PECAM1: variants seen among roughly 807,000 people sequenced by gnomAD.
The protein encoded by PECAM1 is platelet endothelial cell adhesion molecule.
PECAM1 carries 8 observed loss-of-function variants against 13.8 expected under a neutral mutation model. That is an observed-to-expected ratio of 0.58 (90% CI 0.34 to 1.05). The LOEUF is 1.05. Among genes scored for constraint, PECAM1 ranks in the 50% least tolerant of loss-of-function variants. The pLI, the probability that PECAM1 is intolerant of heterozygous loss-of-function variation, is 0.03. For synonymous variants in PECAM1, 136 were observed against 52.6 expected, an observed-to-expected ratio of 2.58 and a Z score of -6.86; for missense variants, 304 against 141.2, an observed-to-expected ratio of 2.15 and a Z score of -5.84.
chr17:64,325,114 C>T (rs782345131), intron 15 of PECAM1, among the ~76,000 whole-genome samples: 3 of 152,190 alleles, frequency 2.0e-5, no homozygotes, highest in Non-Finnish European at 2.9e-5. Flanking sequence ...GCCGGGCGGG[C>T]GCAGTGGCTC....
Position 64,356,103 on chromosome 17 carries a change from T to G in PECAM1, c.1780+8A>C, listed in dbSNP as rs1187400985. The G allele has an allele frequency of 1.5e-5, 7 of 475,228 alleles. No homozygotes were observed. The East Asian group carries it at 2.2e-4, about 15-fold the overall frequency. 29.4% of individuals were successfully genotyped at this position (475,228 alleles called of 1,614,324 possible). ...ACAGCACAGCTTGCTATGGAGACCC[T>G]GACTCACCTCTGACTGTCAGTATTT... is the stretch of plus-strand genomic sequence containing the variant. On this transcript the variant is annotated splice_region_variant and intron_variant, in intron 8 of 15. Coordinates refer to ENST00000563924, the MANE Select transcript of PECAM1 (RefSeq NM_000442.5).
intron 9 of PECAM1, among the ~76,000 whole-genome samples, chr17:64,354,465 AT>A (rs2035804346): frequency 6.6e-6 from 1 of 152,022 alleles, no homozygotes; most frequent in Non-Finnish European, 1.5e-5. Flanking sequence ...CCACAAAAAA[AT>A]TTTTGCAGGA....
At chr17:64,324,052 G>T in intron 15 of PECAM1, 1 of 833,656 alleles carries the variant, frequency 1.2e-6, no homozygotes, top group East Asian at 2.6e-5. Context: ...TGGCCCCTCA[G>T]AAGACAACAT....
chr17:64,361,441 C>G (rs2035977854), intron 6 of PECAM1, among the ~76,000 whole-genome samples: 1 of 151,840 alleles, frequency 6.6e-6, no homozygotes, highest in Non-Finnish European at 1.5e-5. Context: ...CCACCAGGTC[C>G]AGCCAATATA....
At position 64,324,577 on chromosome 17, in the gene PECAM1, C is replaced by T. The variant is rs554203702; in HGVS notation, c.2188-732G>A. Among the ~76,000 whole-genome samples, 50 of 152,304 alleles carry T rather than the reference C, an allele frequency of 3.3e-4. 1 individual carries two copies. The highest frequency in any genetic ancestry group is 1.2e-3 in the African/African-American group (48 of 41,564). On this transcript the variant is annotated intron_variant, in intron 15 of 15. Coordinates refer to ENST00000563924, the MANE Select transcript of PECAM1 (RefSeq NM_000442.5). Reference sequence around the variant, plus strand: ...TTGTAAGAGATCTGACTTCTAGCTCCAGTTCTGTCTCTAGCTAACGTGAGA... The same window carrying T: ...TTGTAAGAGATCTGACTTCTAGCTCTAGTTCTGTCTCTAGCTAACGTGAGA...
chr17:64,367,326 C>T (rs11650625), intron 5 of PECAM1, among the ~76,000 whole-genome samples: 58,322 of 151,754 alleles, frequency 0.38, 13,053 homozygotes, highest in East Asian at 0.53. Flanking sequence ...CCGAGGTGGA[C>T]GGATCACAAT....
intron 2 of PECAM1, among the ~76,000 whole-genome samples, chr17:64,385,588 G>A (rs944996850): frequency 2.0e-5 from 3 of 152,048 alleles, no homozygotes; most frequent in East Asian, 1.9e-4. Flanking sequence ...GACATGTGTC[G>A]AGAACCTGTG....
In PECAM1 at chr17:64,355,053, C is replaced by A; in HGVS notation, c.1781-13G>T. On this transcript the variant is annotated splice_polypyrimidine_tract_variant and intron_variant, in intron 8 of 15. Transcript: ENST00000563924. ...GGGGCAAGAATGACTGAAAACAAAACAAAACAAAAAATTTTTTTTGTATAT... is the reference window on the plus strand; with the variant it reads ...GGGGCAAGAATGACTGAAAACAAAAAAAAACAAAAAATTTTTTTTGTATAT... 1 of 475,202 alleles carries A rather than the reference C, an allele frequency of 2.1e-6. No individual in the cohort carries two copies. The highest frequency in any genetic ancestry group is 3.9e-6 in the Non-Finnish European group (1 of 258,962). The allele number at this position is 475,202 out of a possible 1,614,324, so 29.4% of individuals were successfully genotyped here.
chr17:64,388,110 C>T (rs1014069699), intron 2 of PECAM1, among the ~76,000 whole-genome samples: 1 of 152,152 alleles, frequency 6.6e-6, no homozygotes, highest in Non-Finnish European at 1.5e-5. Flanking sequence ...GCAGTTCCAA[C>T]GTCTTCCCTG....
At position 64,321,594 on chromosome 17, in the gene PECAM1, CAAA is replaced by C. The variant is rs5821431; in HGVS notation, c.*2219_*2221del. ...GCACCATGGTGAAACCTCATCTCTG[CAAA>C]AAAAAAATTAAAAATTAGCCAGCTA... On this transcript the variant is annotated 3_prime_UTR_variant, in exon 16 of 16. Coordinates refer to ENST00000563924, the MANE Select transcript of PECAM1 (RefSeq NM_000442.5). 2.4e-6 allele frequency: 1 copy of C among 412,792 alleles called. No individual in the cohort carries two copies. The highest frequency in any genetic ancestry group is 3.5e-6 in the Non-Finnish European group (1 of 282,698). The allele number at this position is 412,792 out of a possible 1,614,324, so 25.6% of individuals were successfully genotyped here.
chr17:64,377,087 G>A (rs1167582781), intron 3 of PECAM1, among the ~76,000 whole-genome samples: 1 of 152,184 alleles, frequency 6.6e-6, no homozygotes, highest in Non-Finnish European at 1.5e-5. Context: ...CCTGAAATGG[G>A]TATCGTTGTT....
chr17:64,324,258 C>T (rs2034882131), intron 15 of PECAM1, among the ~76,000 whole-genome samples: 1 of 152,168 alleles, frequency 6.6e-6, no homozygotes. Context: ...CTTAAGACCT[C>T]AGGAGACCAC....
intron 2 of PECAM1, among the ~76,000 whole-genome samples, chr17:64,388,883 G>C (rs1175917043): frequency 6.6e-6 from 1 of 152,154 alleles, no homozygotes; most frequent in African/African-American, 2.4e-5. Context: ...GGCCAGGCTG[G>C]TTTTGAACTC....
At chr17:64,348,610 G>A (rs1482730348) in intron 12 of PECAM1, among the ~76,000 whole-genome samples, 2 of 151,856 alleles carry the variant, frequency 1.3e-5, no homozygotes, top group Non-Finnish European at 2.9e-5. Context: ...GTTAATTTTT[G>A]TATTTTTAGT....
intron 13 of PECAM1, among the ~76,000 whole-genome samples, chr17:64,345,388 ATCTCAACGAG>A (rs2035537893): frequency 3.9e-5 from 6 of 152,052 alleles, no homozygotes; most frequent in Non-Finnish European, 7.4e-5. Flanking sequence ...ACAATTTGTT[ATCTCAACGAG>A]TCAATCACTC....
intron 12 of PECAM1, among the ~76,000 whole-genome samples, chr17:64,349,082 A>G (rs1034017515): frequency 1.4e-4 from 21 of 152,328 alleles, no homozygotes; most frequent in Admixed American, 1.3e-4. Context: ...TCCAAGACTG[A>G]GAGGATTTCG....
Position 64,321,315 on chromosome 17 carries a change from C to T in PECAM1, c.*2501G>A, listed in dbSNP as rs782353829. 9.9e-6 allele frequency: 5 copies of T among 504,710 alleles called. No homozygotes were observed. In the East Asian group the frequency reaches 4.5e-4, roughly 45 times the overall value. The allele number at this position is 504,710 out of a possible 1,614,324, so 31.3% of individuals were successfully genotyped here. On this transcript the variant is annotated 3_prime_UTR_variant, in exon 16 of 16. Coordinates refer to ENST00000563924, the MANE Select transcript of PECAM1 (RefSeq NM_000442.5). Reference sequence around the variant, plus strand: ...CCTGGGATGCTTCAGGTTTAGACACCGGGGTTACGGCAGCTGCCGAGGAAG... The same window carrying T: ...CCTGGGATGCTTCAGGTTTAGACACTGGGGTTACGGCAGCTGCCGAGGAAG...
At chr17:64,345,927 T>A (rs982195596) in intron 13 of PECAM1, among the ~76,000 whole-genome samples, 2,381 of 152,122 alleles carry the variant, frequency 0.016, 60 homozygotes, top group African/African-American at 0.054. Flanking sequence ...GAAAGTTCTG[T>A]GCATACAGCT....
intron 14 of PECAM1, among the ~76,000 whole-genome samples, chr17:64,336,434 C>T (rs1283199507): frequency 2.0e-5 from 3 of 151,974 alleles, no homozygotes; most frequent in African/African-American, 7.3e-5. Context: ...TCATCTAACT[C>T]CCCCCAGGCA....
Sources: allele counts gnomAD v4.1 joint callset (sites outside exome capture counted in the v4.1 genomes callset), GRCh38; gene constraint gnomAD v4.1.1; transcripts MANE v1.5; gene names NCBI Gene and HGNC (gene_info 2026-07-23, HGNC 2026-07-21).